The following BBOF1 variants were observed in gnomAD, a reference collection of about 807,000 sequenced individuals.
BBOF1 encodes basal body orientation factor 1.
Under a neutral mutation model 68.0 loss-of-function variants are expected in BBOF1, and 62 were observed. That is an observed-to-expected ratio of 0.91 (90% CI 0.74 to 1.13). The LOEUF is 1.13. BBOF1 is among the 50% of genes most tolerant of loss of function. The pLI is 0.00. For synonymous variants in BBOF1, 208 were observed against 198.8 expected (o/e 1.05, Z -0.39); for missense variants, 534 against 600.1 (o/e 0.89, Z 1.15).
At position 74,019,518 on chromosome 14, in the gene BBOF1, A is replaced by C. The variant is rs2059199545; in HGVS notation, c.40A>C (p.Lys14Gln). Residue 14 changes from lysine (K) to glutamine (Q), a missense_variant, in exon 1 of 12, where the codon AAA becomes CAA. Lys to Gln is a moderately conservative substitution (Grantham distance 53, BLOSUM62 1). Coordinates refer to ENST00000394009, the MANE Select transcript of BBOF1 (RefSeq NM_025057.3). ...AAAGGACAAAAAGAAAGGCAAGAGC[A>C]AAGGCAAAGACACGAAGTAAGGAGA... ...KGKDKKKGKS[K>Q]GKDTKKLIKT... 6.2e-7 allele frequency: 1 copy of C among 1,602,942 alleles called. No homozygotes were observed. The highest frequency in any genetic ancestry group is 1.3e-5 in the African/African-American group (1 of 74,720).
chr14:74,055,492 T>C, intron 8 of BBOF1, 92 bp from the exon 9 acceptor site: 1 of 830,896 alleles, frequency 1.2e-6, no homozygotes, highest in Non-Finnish European at 2.0e-6. Context: ...GAATTTATCC[T>C]ATGTTTACCC....
intron 6 of BBOF1, chr14:74,046,977 C>T (rs967513421): frequency 1.3e-5 from 2 of 152,272 alleles, no homozygotes; most frequent in Non-Finnish European, 2.9e-5. Context: ...ATCCACCCGC[C>T]TCGGGCTTCC....
At chr14:74,026,117 G>A (rs1244199048) in intron 2 of BBOF1, among the ~76,000 whole-genome samples, 5 of 148,414 alleles carry the variant, frequency 3.4e-5, no homozygotes, top group Non-Finnish European at 7.4e-5. Flanking sequence ...GTCAAGCCTG[G>A]GCAACAGAGT....
chr14:74,042,845 T>G (rs1417259531), intron 5 of BBOF1, among the ~76,000 whole-genome samples: 1 of 141,678 alleles, frequency 7.1e-6, no homozygotes, highest in Non-Finnish European at 1.5e-5. Context: ...CTCGCTCTGT[T>G]TCTCTCTCTC....
intron 2 of BBOF1, among the ~76,000 whole-genome samples, chr14:74,025,711 T>TAGA (rs1396072682): frequency 1.3e-5 from 2 of 152,202 alleles, no homozygotes; most frequent in African/African-American, 4.8e-5. Flanking sequence ...ACATAGTATC[T>TAGA]CACTTGTGTC....
intron 2 of BBOF1, among the ~76,000 whole-genome samples, chr14:74,028,513 A>ACAC (rs1191888092): frequency 2.7e-5 from 2 of 72,846 alleles, no homozygotes; most frequent in African/African-American, 5.3e-5. Context: ...CACACACACA[A>ACAC]ATAGAGGGAA....
Position 74,034,164 on chromosome 14 carries a change from T to C in BBOF1, c.488T>C (p.Leu163Ser). 3 of 1,556,914 alleles carry C rather than the reference T, an allele frequency of 1.9e-6. No individual in the cohort carries two copies. The highest frequency in any genetic ancestry group is 2.6e-6 in the Non-Finnish European group (3 of 1,152,818). The change falls in exon 4 of 12, where the codon TTA becomes TCA. Residue 163 changes from leucine (L) to serine (S), a missense_variant. By Grantham distance (145) the Leu-to-Ser change is moderately radical (BLOSUM62 -2). Coordinates refer to ENST00000394009, the MANE Select transcript of BBOF1 (RefSeq NM_025057.3). The part of the protein sequence containing the change: ...QKRKIQVERE[L>S]DDLKENLRNT... ...AGAAAAATCCAAGTGGAGAGAGAGT[T>C]AGATGATGTAAGTTTCATTCCTTTT...
intron 3 of BBOF1, among the ~76,000 whole-genome samples, 195 bp downstream of exon 3, chr14:74,029,444 A>G (rs1166510823): frequency 6.6e-6 from 1 of 152,148 alleles, no homozygotes; most frequent in Non-Finnish European, 1.5e-5. Flanking sequence ...ACACTTTGGG[A>G]TGCTGAGGCG....
intron 10 of BBOF1, chr14:74,080,946 C>T (rs972391987): frequency 6.6e-6 from 1 of 152,272 alleles, no homozygotes; most frequent in Non-Finnish European, 1.5e-5. Flanking sequence ...CTACTTTCCT[C>T]CCTGTTCTCT....
At chr14:74,026,178 C>T (rs1235162493) in intron 2 of BBOF1, among the ~76,000 whole-genome samples, 1 of 149,662 alleles carries the variant, frequency 6.7e-6, no homozygotes, top group Non-Finnish European at 1.5e-5. Flanking sequence ...GGCGGTGGCT[C>T]ATGCCTGTAA....
intron 12 of BBOF1, among the ~76,000 whole-genome samples, chr14:74,081,771 T>C (rs2060670124): frequency 6.6e-6 from 1 of 152,220 alleles, no homozygotes; most frequent in Non-Finnish European, 1.5e-5. Context: ...AAAGGAGCTT[T>C]CAGTGAGCAT....
chr14:74,069,139 CTG>C, downstream of BBOF1: 1 of 750,712 alleles, frequency 1.3e-6, no homozygotes, highest in African/African-American at 2.2e-5. Context: ...GAGTCTCGCT[CTG>C]TTGCCCAGGC....
chr14:74,068,775 T>C, downstream of BBOF1: 1 of 1,475,138 alleles, frequency 6.8e-7, no homozygotes, highest in Non-Finnish European at 9.4e-7. Flanking sequence ...TGGAGTGGGA[T>C]GAGTGGCCTC....
intron 4 of BBOF1, among the ~76,000 whole-genome samples, chr14:74,038,307 A>C (rs1474098930): frequency 6.6e-6 from 1 of 152,254 alleles, no homozygotes; most frequent in Non-Finnish European, 1.5e-5. Flanking sequence ...AATCAACATA[A>C]TTAACTTTTC....
rs569557006 is a variant in BBOF1, at chr14:74,064,775, A to C, written c.*76A>C. On this transcript the variant is annotated 3_prime_UTR_variant, in exon 12 of 12. Coordinates refer to ENST00000394009, the MANE Select transcript of BBOF1 (RefSeq NM_025057.3). Reference sequence around the variant, plus strand: ...GAATCCTTGCTCCTGAATATCTTTAAGAAAATTTCTTAAAGGAAAAGACAA... The same window carrying C: ...GAATCCTTGCTCCTGAATATCTTTACGAAAATTTCTTAAAGGAAAAGACAA... 6.2e-7 allele frequency: 1 copy of C among 1,612,390 alleles called. No homozygotes were observed. The highest frequency in any genetic ancestry group is 8.5e-7 in the Non-Finnish European group (1 of 1,178,350).
chr14:74,036,880 T>C (rs527721128), intron 4 of BBOF1, among the ~76,000 whole-genome samples: 71 of 151,968 alleles, frequency 4.7e-4, no homozygotes, highest in Non-Finnish European at 6.9e-4. Flanking sequence ...AAATCTTGTC[T>C]CTTTGTTTCA....
intron 2 of BBOF1, among the ~76,000 whole-genome samples, chr14:74,024,598 G>A (rs2059382915): frequency 6.6e-6 from 1 of 152,070 alleles, no homozygotes; most frequent in African/African-American, 2.4e-5. Context: ...CCAAGTAGCT[G>A]GGACTACAGG....
At chr14:74,056,627 C>A (rs2060215159) in intron 9 of BBOF1, among the ~76,000 whole-genome samples, 1 of 152,070 alleles carries the variant, frequency 6.6e-6, no homozygotes, top group African/African-American at 2.4e-5. Flanking sequence ...TGAGCCACTG[C>A]CCCTGGCCAG....
chr14:74,067,869 G>A (rs2060492860), downstream of BBOF1, among the ~76,000 whole-genome samples: 1 of 152,004 alleles, frequency 6.6e-6, no homozygotes, highest in Non-Finnish European at 1.5e-5. Flanking sequence ...AGGTTGCAGT[G>A]AGCCAAGATC....
Sources: allele counts gnomAD v4.1 joint callset (sites outside exome capture counted in the v4.1 genomes callset), GRCh38; gene constraint gnomAD v4.1.1; transcripts MANE v1.5; gene names NCBI Gene and HGNC (gene_info 2026-07-23, HGNC 2026-07-21).